Variants in MAJIN observed in about 807,000 individuals in gnomAD.
MAJIN encodes the protein membrane-anchored junction protein.
In MAJIN, 27 loss-of-function variants were observed where a neutral mutation model predicts 30.2. That is an observed-to-expected ratio of 0.89 (90% CI 0.66 to 1.23). The LOEUF (loss-of-function observed/expected upper bound fraction) is 1.23. Among genes scored for constraint, MAJIN ranks in the 50% most tolerant of loss-of-function variants. The pLI, the probability that MAJIN is intolerant of heterozygous loss-of-function variation, is 0.00. For synonymous variants in MAJIN, 78 were observed against 91.6 expected, an observed-to-expected ratio of 0.85 and a Z score of 0.85; for missense variants, 253 against 260.3, an observed-to-expected ratio of 0.97 and a Z score of 0.19.
chr11:64,941,286 CA>C (rs1459937636), intron 8 of MAJIN, among the ~76,000 whole-genome samples: 60 of 152,176 alleles, frequency 3.9e-4, no homozygotes, highest in Admixed American at 8.5e-4. Context: ...ACTGAGGTTT[CA>C]GAAATCAGGA....
chr11:64,954,910 C>G (rs1224315933), intron 3 of MAJIN, 108 bp from the exon 4 acceptor site: 2 of 1,003,850 alleles, frequency 2.0e-6, no homozygotes, highest in African/African-American at 3.2e-5. Flanking sequence ...AGAAACATGA[C>G]ATAAGTAAAA....
intron 1 of MAJIN, among the ~76,000 whole-genome samples, chr11:64,963,753 G>A (rs920354549): frequency 2.6e-5 from 4 of 152,064 alleles, no homozygotes; most frequent in South Asian, 2.1e-4. Context: ...CAAGAGAATC[G>A]CTTGAACCCG....
chr11:64,950,644 T>A (rs1474694074), intron 4 of MAJIN, among the ~76,000 whole-genome samples: 1 of 152,168 alleles, frequency 6.6e-6, no homozygotes, highest in East Asian at 1.9e-4. Context: ...GGCAGTTGCA[T>A]GATCTCTGCT....
intron 3 of MAJIN, among the ~76,000 whole-genome samples, chr11:64,955,307 A>G (rs79568342): frequency 0.047 from 6,935 of 148,646 alleles, 181 homozygotes; most frequent in Middle Eastern, 0.065. Flanking sequence ...TTCACTGAAT[A>G]TCCTTGAGGA....
chr11:64,943,100 C>T (rs925197315), intron 8 of MAJIN, among the ~76,000 whole-genome samples: 1 of 152,156 alleles, frequency 6.6e-6, no homozygotes, highest in Admixed American at 6.5e-5. Flanking sequence ...TCATCTGGGA[C>T]CTCCATCAGA....
intron 8 of MAJIN, among the ~76,000 whole-genome samples, chr11:64,944,602 T>C (rs1429292385): frequency 7.2e-5 from 11 of 152,184 alleles, no homozygotes; most frequent in Non-Finnish European, 1.5e-4. Context: ...GAGGTTGCAG[T>C]GAGCTGAGAT....
intron 1 of MAJIN, among the ~76,000 whole-genome samples, chr11:64,967,705 A>G (rs1945834196): frequency 1.3e-5 from 2 of 152,180 alleles, no homozygotes; most frequent in South Asian, 2.1e-4. Flanking sequence ...GACTATACAG[A>G]TAAGTGAGTC....
At chr11:64,950,229 C>G (rs1945528939) in intron 5 of MAJIN, 126 bp downstream of exon 5, 2 of 825,572 alleles carry the variant, frequency 2.4e-6, no homozygotes, top group Non-Finnish European at 3.7e-6. Flanking sequence ...ACTGGAGAGG[C>G]TGAGGCAAGA....
chr11:64,949,998 G>T, intron 5 of MAJIN, 130 bp from the exon 6 acceptor site: 1 of 1,267,074 alleles, frequency 7.9e-7, no homozygotes, highest in Non-Finnish European at 1.1e-6. Flanking sequence ...ACGTCCATTT[G>T]AGTCTAAAAT....
chr11:64,961,968 T>C (rs1368056099), intron 1 of MAJIN, among the ~76,000 whole-genome samples: 1 of 151,968 alleles, frequency 6.6e-6, no homozygotes, highest in Non-Finnish European at 1.5e-5. Flanking sequence ...TTTAAAATTT[T>C]TGGAGACAGG....
chr11:64,958,527 G>A (rs1945670846), intron 3 of MAJIN, among the ~76,000 whole-genome samples: 1 of 149,186 alleles, frequency 6.7e-6, no homozygotes, highest in Non-Finnish European at 1.5e-5. Context: ...GCTGAGGTGG[G>A]AGGATCCCTT....
intron 8 of MAJIN, among the ~76,000 whole-genome samples, chr11:64,942,924 G>A (rs1207571147): frequency 6.6e-6 from 1 of 152,124 alleles, no homozygotes; most frequent in Non-Finnish European, 1.5e-5. Flanking sequence ...GGAACAGGAG[G>A]GCAAAGGCCC....
intron 1 of MAJIN, among the ~76,000 whole-genome samples, chr11:64,964,119 T>C (rs1230023041): frequency 3.3e-5 from 5 of 152,152 alleles, no homozygotes; most frequent in African/African-American, 9.7e-5. Context: ...TTTGTATTTT[T>C]TTTTAGTAGA....
At chr11:64,948,600 A>ATCATATATAT (rs1554970958) in intron 6 of MAJIN, among the ~76,000 whole-genome samples, 3 of 24,084 alleles carry the variant, frequency 1.2e-4, no homozygotes, top group African/African-American at 4.1e-4. Context: ...GTCGGGCTAC[A>ATCATATATAT]TCATATATAT....
At chr11:64,943,967 C>T (rs1230164220) in intron 8 of MAJIN, among the ~76,000 whole-genome samples, 2 of 152,144 alleles carry the variant, frequency 1.3e-5, no homozygotes, top group East Asian at 3.8e-4. Context: ...GCCAGCTGGC[C>T]ACAGCACAAC....
chr11:64,947,237 C>A, intron 8 of MAJIN, 137 bp downstream of exon 8: 1 of 568,460 alleles, frequency 1.8e-6, no homozygotes, highest in Non-Finnish European at 2.9e-6. Context: ...TTCCTTAGTC[C>A]ACCCACTGTA....
intron 3 of MAJIN, 115 bp from the exon 4 acceptor site, chr11:64,954,917 A>C: frequency 1.1e-6 from 1 of 921,854 alleles, no homozygotes; most frequent in Non-Finnish European, 1.6e-6. Context: ...TGACATAAGT[A>C]AAACTGTGTA....
chr11:64,954,923 G>A (rs558942076), intron 3 of MAJIN, 121 bp from the exon 4 acceptor site: 1 of 881,662 alleles, frequency 1.1e-6, no homozygotes, highest in African/African-American at 1.7e-5. Context: ...AAGTAAAACT[G>A]TGTAAGCTGA....
intron 4 of MAJIN, among the ~76,000 whole-genome samples, chr11:64,952,579 A>G (rs895698777): frequency 2.0e-5 from 3 of 152,216 alleles, no homozygotes; most frequent in African/African-American, 7.2e-5. Flanking sequence ...AAACAGACAA[A>G]GAGAGGTGAA....
Sources: allele counts gnomAD v4.1 joint callset (sites outside exome capture counted in the v4.1 genomes callset), GRCh38; gene constraint gnomAD v4.1.1; transcripts MANE v1.5; gene names NCBI Gene and HGNC (gene_info 2026-07-23, HGNC 2026-07-21).